The following TKTL1 variants were observed in gnomAD, a reference collection of about 807,000 sequenced individuals.
TKTL1 encodes transketolase-like protein 1.
In TKTL1, 1 loss-of-function variant was observed where a neutral mutation model predicts 39.3. The observed-to-expected ratio is 0.03, with a 90% CI of 0.01 to 0.12. The LOEUF is 0.12. TKTL1 is among the 10% of genes least tolerant of loss of function. The probability of loss-of-function intolerance (pLI) is 1.00; values close to 1 mark genes in which losing one functional copy is unlikely to be tolerated. For missense variants in TKTL1, 575 were observed against 509.6 expected, an observed-to-expected ratio of 1.13 and a Z score of -1.24; for synonymous variants, 262 against 193.8, an observed-to-expected ratio of 1.35 and a Z score of -2.92.
intron 9 of TKTL1, 117 bp downstream of exon 9, chrX:154,323,454 T>C: frequency 1.1e-6 from 1 of 885,632 alleles, no homozygotes; most frequent in Non-Finnish European, 1.6e-6. Flanking sequence ...ATAGAAAATT[T>C]GGTGATAGAA....
intron 1 of TKTL1, among the ~76,000 whole-genome samples, chrX:154,296,631 T>A (rs1490399795): frequency 9.0e-6 from 1 of 111,245 alleles, no homozygotes; most frequent in Non-Finnish European, 1.9e-5. Context: ...GTTTGAGGGA[T>A]ATTGGTCTCT....
In TKTL1 at chrX:154,329,848, C is replaced by T; in HGVS notation, c.*160C>T. On this transcript the variant is annotated 3_prime_UTR_variant, in exon 13 of 13. Transcript: ENST00000369915. Reference sequence around the variant, plus strand: ...TCGGAAATTCAAGCTAACTACTTACCCTTTAAACTGTCACTGCATATGCAA... The same window carrying T: ...TCGGAAATTCAAGCTAACTACTTACTCTTTAAACTGTCACTGCATATGCAA... The T allele has an allele frequency of 5.5e-6, 3 of 542,920 alleles. No individual in the cohort carries two copies. The highest frequency in any genetic ancestry group is 8.6e-6 in the Non-Finnish European group (3 of 347,585). The allele number at this position is 542,920 out of a possible 1,213,427, so 44.7% of individuals were successfully genotyped here. A position where few individuals can be genotyped will look rare whatever the true frequency, so the allele number is the denominator to read the frequency against.
rs782650273 is a variant in TKTL1 at position 154,295,991 on chromosome X, C to A, written c.132C>A (p.Ser44=). 11 of 1,209,103 alleles carry A rather than the reference C, an allele frequency of 9.1e-6. 1 individual carries two copies. In the South Asian group the frequency reaches 1.9e-4, roughly 21 times the overall value. ...HSIRATCSTS[S]GHPTSCSSSS... The stretch of plus-strand genomic sequence containing the variant: ...TCAGGGCCACATGCTCCACGAGCTC[C>A]GGGTAAGTTCTCCTCATTGAAGTCT... Residue 44 remains serine (S), a splice_region_variant and synonymous_variant, in exon 1 of 13, where the codon TCC becomes TCA. Transcript: ENST00000369915.
chrX:154,295,830 G>C lies in TKTL1; in HGVS notation c.-30G>C. On this transcript the variant is annotated 5_prime_UTR_variant, in exon 1 of 13. Transcript: ENST00000369915. ...CTTCAGACGCCGGAGACGTAGGAGT[G>C]GGTCTTCAGACTCCAAAGGGGTTGG... 2.5e-6 allele frequency: 3 copies of C among 1,202,845 alleles called. No homozygotes were observed. The highest frequency in any genetic ancestry group is 3.4e-6 in the Non-Finnish European group (3 of 890,294).
intron 9 of TKTL1, among the ~76,000 whole-genome samples, chrX:154,324,735 A>G (rs1557171578): frequency 1.8e-5 from 2 of 111,832 alleles, no homozygotes; most frequent in African/African-American, 6.5e-5. Flanking sequence ...CGGTGAAGAC[A>G]CTGAATAAAG....
intron 10 of TKTL1, among the ~76,000 whole-genome samples, chrX:154,326,240 G>C (rs2067492614): frequency 9.0e-6 from 1 of 111,486 alleles, no homozygotes; most frequent in Admixed American, 9.5e-5. Context: ...GTCTCCCCAG[G>C]TCTGCCCACC....
At chrX:154,306,537 C>A (rs1347648532) in intron 2 of TKTL1, among the ~76,000 whole-genome samples, 1 of 112,014 alleles carries the variant, frequency 8.9e-6, no homozygotes, top group African/African-American at 3.2e-5. Context: ...AAATGCCTTC[C>A]ATTGCTTTCA....
chrX:154,300,486 C>T (rs1031627105), intron 1 of TKTL1, among the ~76,000 whole-genome samples: 3 of 111,953 alleles, frequency 2.7e-5, no homozygotes, highest in African/African-American at 9.8e-5. Flanking sequence ...CTTTCACCTC[C>T]TTGGTTAAGT....
chrX:154,322,632 C>T (rs187127571), intron 8 of TKTL1, among the ~76,000 whole-genome samples: 1 of 111,701 alleles, frequency 9.0e-6, no homozygotes, highest in Non-Finnish European at 1.9e-5. Flanking sequence ...CCCTTCCTAG[C>T]TGAGAAAAGC....
intron 8 of TKTL1, among the ~76,000 whole-genome samples, chrX:154,322,093 G>A (rs940089388): frequency 1.8e-5 from 2 of 109,078 alleles, no homozygotes. Flanking sequence ...AATTAGCCAG[G>A]TGTGGTGGCA....
At chrX:154,309,218 C>T (rs782168187) in intron 2 of TKTL1, 127 bp from the exon 3 acceptor site, 23 of 547,477 alleles carry the variant, frequency 4.2e-5, no homozygotes, top group African/African-American at 2.0e-4. Flanking sequence ...CCCAGCAGGG[C>T]GGGAGGGGCT....
intron 1 of TKTL1, among the ~76,000 whole-genome samples, chrX:154,297,575 A>G (rs1374429300): frequency 1.8e-5 from 2 of 111,281 alleles, no homozygotes; most frequent in Non-Finnish European, 3.8e-5. Flanking sequence ...GTTTTGTTGT[A>G]GTATTTGCTT....
Position 154,320,796 on chromosome X carries a change from A to G in TKTL1, c.1069A>G (p.Ile357Val), listed in dbSNP as rs377204314. ...GGGCTGTGCCTCCCGTGGACGGACC[A>G]TTGCTTTTGCTAGCACCTTTGCTGC... ...ALGCASRGRT[I>V]AFASTFAAFL... Residue 357 changes from isoleucine (I) to valine (V), a missense_variant, in exon 8 of 13, where the codon ATT becomes GTT. Coordinates refer to ENST00000369915, the MANE Select transcript of TKTL1 (RefSeq NM_012253.4). 85 of 1,209,576 alleles carry G rather than the reference A, an allele frequency of 7.0e-5. No homozygotes were observed. The highest frequency in any genetic ancestry group is 9.2e-5 in the Non-Finnish European group (82 of 894,844).
Position 154,329,948 on chromosome X carries a change from C to T in TKTL1, c.*260C>T. ...TGAAAAAAATAGGTAACAAAACAAC[C>T]ACCTGATAGTAAGTTTTCTGATAAG... On this transcript the variant is annotated 3_prime_UTR_variant, in exon 13 of 13. Transcript: ENST00000369915. 1 of 300,882 alleles carries T rather than the reference C, an allele frequency of 3.3e-6. No individual in the cohort carries two copies. The highest frequency in any genetic ancestry group is 5.8e-6 in the Non-Finnish European group (1 of 172,049). The allele number at this position is 300,882 out of a possible 1,213,427, so 24.8% of individuals were successfully genotyped here.
At chrX:154,318,299 A>T (rs1557169806) in intron 7 of TKTL1, among the ~76,000 whole-genome samples, 4 of 110,628 alleles carry the variant, frequency 3.6e-5, no homozygotes, top group Non-Finnish European at 7.6e-5. Context: ...TTGATACTTT[A>T]ATACTCAAAT....
At chrX:154,327,542 A>T (rs782573469) in intron 10 of TKTL1, 49 bp from the exon 11 acceptor site, 2 of 1,098,947 alleles carry the variant, frequency 1.8e-6, no homozygotes, top group Non-Finnish European at 1.3e-6. Context: ...TTTGACATGC[A>T]TTCTGTGTGT....
chrX:154,303,281 T>C (rs1557166384), intron 1 of TKTL1, among the ~76,000 whole-genome samples: 2 of 104,218 alleles, frequency 1.9e-5, no homozygotes, highest in African/African-American at 7.0e-5. Context: ...GGCGTGATCA[T>C]GGCTCACTAC....
chrX:154,327,920 A>G lies in TKTL1; in HGVS notation c.1580A>G (p.Glu527Gly). The G allele has an allele frequency of 2.5e-6, 3 of 1,211,919 alleles. No individual in the cohort carries two copies. Among genetic ancestry groups the G allele is most frequent in the Non-Finnish European group, 3.4e-6 (3 of 895,473 alleles). ...ATCGTCTCCAGTGCAAAAGCCACAGAGGGCCGGATCATTACAGTGGAGGAT... is the reference window on the plus strand; with the variant it reads ...ATCGTCTCCAGTGCAAAAGCCACAGGGGGCCGGATCATTACAGTGGAGGAT... ...ATIVSSAKAT[E>G]GRIITVEDHY... The change falls in exon 12 of 13, where the codon GAG (glutamate) becomes GGG (glycine). Residue 527 changes from glutamate to glycine, a missense_variant. Coordinates refer to ENST00000369915, the MANE Select transcript of TKTL1 (RefSeq NM_012253.4).
intron 5 of TKTL1, among the ~76,000 whole-genome samples, chrX:154,312,113 C>A (rs1017671879): frequency 2.7e-5 from 3 of 112,064 alleles, no homozygotes; most frequent in Non-Finnish European, 3.8e-5. Context: ...TCCAATCTTG[C>A]TTTGGATAAA....
Sources: allele counts gnomAD v4.1 joint callset (sites outside exome capture counted in the v4.1 genomes callset), GRCh38; gene constraint gnomAD v4.1.1; transcripts MANE v1.5; gene names NCBI Gene and HGNC (gene_info 2026-07-23, HGNC 2026-07-21).